The following LRMDA variants were observed in gnomAD, a reference collection of about 807,000 sequenced individuals.
LRMDA encodes the protein leucine rich melanocyte differentiation associated.
Under a neutral mutation model 29.8 loss-of-function variants are expected in LRMDA, and 18 were observed. That is an observed-to-expected ratio of 0.60 (90% CI 0.42 to 0.90). The LOEUF (loss-of-function observed/expected upper bound fraction) is 0.90, where lower values mean the gene tolerates loss of function less well. Ranked by LOEUF, LRMDA falls within the 40% of genes least tolerant of loss-of-function variation. LRMDA has a pLI of 0.00. For missense variants in LRMDA, 273 were observed against 273.9 expected, an observed-to-expected ratio of 1.00 and a Z score of 0.02; for synonymous variants, 125 against 109.4, an observed-to-expected ratio of 1.14 and a Z score of -0.89.
chr10:76,164,752 CAATTT>C (rs1375687722), intron 5 of LRMDA, among the ~76,000 whole-genome samples: 31 of 151,956 alleles, frequency 2.0e-4, no homozygotes, highest in Admixed American at 1.3e-3. Flanking sequence ...AAATAGGAAA[CAATTT>C]AATTTAATTT....
At chr10:76,342,286 A>C (rs1564729461) in intron 6 of LRMDA, among the ~76,000 whole-genome samples, 1 of 152,108 alleles carries the variant, frequency 6.6e-6, no homozygotes, top group Non-Finnish European at 1.5e-5. Flanking sequence ...AAAACAAACA[A>C]AAAAAAGATA....
chr10:75,835,085 T>A (rs1421394162), intron 2 of LRMDA, among the ~76,000 whole-genome samples: 1 of 152,246 alleles, frequency 6.6e-6, no homozygotes, highest in Admixed American at 6.5e-5. Flanking sequence ...TTGCAACAAA[T>A]TTCCACAAAC....
At chr10:76,479,300 G>A (rs2132325046) in intron 6 of LRMDA, among the ~76,000 whole-genome samples, 1 of 151,970 alleles carries the variant, frequency 6.6e-6, no homozygotes, top group Non-Finnish European at 1.5e-5. Context: ...GTGGGGCAAG[G>A]GAGAGCGACT....
chr10:76,051,135 C>A (rs957802643), intron 4 of LRMDA, among the ~76,000 whole-genome samples: 1 of 152,194 alleles, frequency 6.6e-6, no homozygotes, highest in African/African-American at 2.4e-5. Context: ...GACCCTCCGC[C>A]GTCTGGTCGC....
At chr10:76,361,705 A>G (rs1347139245) in intron 6 of LRMDA, among the ~76,000 whole-genome samples, 2 of 152,204 alleles carry the variant, frequency 1.3e-5, no homozygotes, top group African/African-American at 2.4e-5. Context: ...GCACCAAAGA[A>G]CACTATATAA....
At chr10:76,456,653 T>TAAAAAAAAAAAAAAAAAAAAAA (rs759893190) in intron 6 of LRMDA, among the ~76,000 whole-genome samples, 1 of 127,414 alleles carries the variant, frequency 7.8e-6, no homozygotes, top group Non-Finnish European at 1.7e-5. Flanking sequence ...GCACTCTTAT[T>TAAAAAAAAAAAAAAAAAAAAAA]AAAAAAAAAA....
intron 2 of LRMDA, among the ~76,000 whole-genome samples, chr10:75,441,713 T>TA (rs57604045): frequency 1.3e-5 from 2 of 151,912 alleles, no homozygotes; most frequent in African/African-American, 2.4e-5. Flanking sequence ...TTGTTATATA[T>TA]AAAAAAATTA....
chr10:75,475,551 G>C (rs1338519894), intron 2 of LRMDA, among the ~76,000 whole-genome samples: 1 of 152,042 alleles, frequency 6.6e-6, no homozygotes, highest in Non-Finnish European at 1.5e-5. Context: ...ACCGGTGAAG[G>C]GCTGATCGTT....
chr10:75,750,489 G>T (rs1056714418), intron 2 of LRMDA, among the ~76,000 whole-genome samples: 2 of 129,496 alleles, frequency 1.5e-5, no homozygotes, highest in African/African-American at 3.2e-5. Flanking sequence ...GGGGCGGGGG[G>T]TGGGGGGCAG....
chr10:76,211,727 AT>A (rs1236335712), intron 5 of LRMDA, among the ~76,000 whole-genome samples: 1 of 152,238 alleles, frequency 6.6e-6, no homozygotes, highest in Non-Finnish European at 1.5e-5. Context: ...AGATTCATAA[AT>A]CTGAAATAGA....
At position 76,101,841 on chromosome 10, in the gene LRMDA, A is replaced by G. The variant is rs73283371; in HGVS notation, c.516+43058A>G. ...GGTTGTGTGACTGCCCTTTCTATCT[A>G]GTTCTAAACATTTCCATTGTTCCAA... On this transcript the variant is annotated intron_variant, in intron 5 of 6. Coordinates refer to ENST00000611255, the MANE Select transcript of LRMDA (RefSeq NM_001305581.2). Among the ~76,000 whole-genome samples the G allele has an allele frequency of 5.0e-3, 756 of 152,276 alleles. 6 individuals are homozygous for G. Among genetic ancestry groups the G allele is most frequent in the African/African-American group, 0.017 (717 of 41,544 alleles).
chr10:76,021,395 G>A (rs563998161), intron 2 of LRMDA, among the ~76,000 whole-genome samples: 3 of 152,292 alleles, frequency 2.0e-5, no homozygotes, highest in South Asian at 4.1e-4. Flanking sequence ...AAACCTAGAG[G>A]TCTGGCTTGA....
At chr10:76,302,062 C>T (rs1429790792) in intron 5 of LRMDA, among the ~76,000 whole-genome samples, 58 of 152,086 alleles carry the variant, frequency 3.8e-4, no homozygotes, top group African/African-American at 4.8e-5. Flanking sequence ...ATCTCTGTGG[C>T]GTTGTCTGAT....
chr10:76,465,738 C>T (rs1225021753), intron 6 of LRMDA, among the ~76,000 whole-genome samples: 3 of 152,092 alleles, frequency 2.0e-5, no homozygotes, highest in African/African-American at 4.8e-5. Context: ...TCTCCCAGTT[C>T]GGGAGGCTGG....
chr10:76,231,311 A>C (rs1341413189), intron 5 of LRMDA, among the ~76,000 whole-genome samples: 1 of 152,232 alleles, frequency 6.6e-6, no homozygotes, highest in Admixed American at 6.5e-5. Flanking sequence ...TAGATACTGC[A>C]TTGATTTCGG....
intron 2 of LRMDA, among the ~76,000 whole-genome samples, chr10:75,732,669 C>T (rs899420126): frequency 6.6e-6 from 1 of 152,158 alleles, no homozygotes; most frequent in Non-Finnish European, 1.5e-5. Flanking sequence ...AATACCACAG[C>T]CTGCATGTCC....
chr10:76,501,789 C>T (rs1842912422), intron 6 of LRMDA, among the ~76,000 whole-genome samples: 2 of 151,646 alleles, frequency 1.3e-5, no homozygotes, highest in Admixed American at 6.6e-5. Flanking sequence ...TTGTGAATAT[C>T]TGCTCCCATT....
At chr10:75,649,137 A>G (rs890119554) in intron 2 of LRMDA, among the ~76,000 whole-genome samples, 1 of 152,140 alleles carries the variant, frequency 6.6e-6, no homozygotes, top group Non-Finnish European at 1.5e-5. Flanking sequence ...GCCCCTAGCA[A>G]CCACAATTCT....
chr10:75,983,918 G>T (rs6480798), intron 2 of LRMDA, among the ~76,000 whole-genome samples: 1 of 151,988 alleles, frequency 6.6e-6, no homozygotes, highest in African/African-American at 2.4e-5. Context: ...GCCTCCCAAA[G>T]TGCTGGGATT....
Sources: allele counts gnomAD v4.1 joint callset (sites outside exome capture counted in the v4.1 genomes callset), GRCh38; gene constraint gnomAD v4.1.1; transcripts MANE v1.5; gene names NCBI Gene and HGNC (gene_info 2026-07-23, HGNC 2026-07-21).